The following SLC6A13 variants were observed in gnomAD, a reference collection of about 807,000 sequenced individuals.
SLC6A13 encodes the protein solute carrier family 6 member 13, also known as sodium- and chloride-dependent GABA transporter 2.
Under a neutral mutation model 72.9 loss-of-function variants are expected in SLC6A13, and 69 were observed. The ratio of observed to expected loss-of-function variants is 0.95; its 90% confidence interval spans 0.78 to 1.16. The LOEUF (loss-of-function observed/expected upper bound fraction) is 1.16. Among genes scored for constraint, SLC6A13 ranks in the 50% most tolerant of loss-of-function variants. SLC6A13 has a pLI of 0.00. For missense variants in SLC6A13, 735 were observed against 760.5 expected (o/e 0.97, Z 0.39); for synonymous variants, 303 against 303.0 (o/e 1.00, Z 0.00).
At chr12:236,721 C>A (rs1003398506) in intron 6 of SLC6A13, among the ~76,000 whole-genome samples, 1 of 152,206 alleles carries the variant, frequency 6.6e-6, no homozygotes, top group Admixed American at 6.5e-5. Context: ...TTAGGAGAGG[C>A]CCCCAGGGCA....
In SLC6A13 at chr12:255,328, A is replaced by G. The variant is rs189472830; in HGVS notation, c.202+4523T>C. ...AGGATGACTCCAAGATTTTTGCCTT[A>G]TAACCAGTCAGCTTCTGCCTTCACT... On this transcript the variant is annotated intron_variant, in intron 2 of 14. Transcript: ENST00000343164. Among the ~76,000 whole-genome samples the G allele has an allele frequency of 2.8e-4, 43 of 152,218 alleles. No homozygotes were observed. The East Asian group carries it at 7.3e-3, about 26-fold the overall frequency.
chr12:245,290 A>G (rs1290038226), intron 2 of SLC6A13, among the ~76,000 whole-genome samples: 2 of 152,244 alleles, frequency 1.3e-5, no homozygotes, highest in East Asian at 3.8e-4. Context: ...CCCTAGACCG[A>G]GCACACTTCT....
chr12:242,549 A>G, intron 4 of SLC6A13, 65 bp downstream of exon 4: 2 of 1,484,896 alleles, frequency 1.3e-6, no homozygotes, highest in Non-Finnish European at 1.8e-6. Context: ...ATATAGTGAC[A>G]AGCCCAATTC....
intron 4 of SLC6A13, among the ~76,000 whole-genome samples, chr12:238,792 C>A (rs1014046960): frequency 2.6e-5 from 4 of 152,174 alleles, no homozygotes; most frequent in African/African-American, 9.7e-5. Context: ...CTGGGTTCCA[C>A]CTTCAAAATA....
In SLC6A13 at chr12:257,530, C is replaced by T. The variant is rs545059074; in HGVS notation, c.202+2321G>A. On this transcript the variant is annotated intron_variant, in intron 2 of 14. Coordinates refer to ENST00000343164, the MANE Select transcript of SLC6A13 (RefSeq NM_016615.5). ...GGACTCCCAAACATGTCAGGACTCT[C>T]CACCAGAATCAGAGTGCTGGAAGGC... Among the ~76,000 whole-genome samples, 3 of 152,284 alleles carry T rather than the reference C, an allele frequency of 2.0e-5. No individual in the cohort carries two copies. In the South Asian group the frequency reaches 6.2e-4, roughly 32 times the overall value.
intron 2 of SLC6A13, among the ~76,000 whole-genome samples, chr12:253,065 G>A (rs886457910): frequency 1.3e-5 from 2 of 152,194 alleles, no homozygotes; most frequent in Non-Finnish European, 2.9e-5. Context: ...TGGGGATGGG[G>A]GGTGGAGTTC....
intron 2 of SLC6A13, among the ~76,000 whole-genome samples, chr12:255,878 C>G (rs1386047605): frequency 6.6e-6 from 1 of 152,152 alleles, no homozygotes; most frequent in Non-Finnish European, 1.5e-5. Context: ...CAGCTCCAGG[C>G]TTGAGTCCTC....
chr12:223,340 G>T, intron 11 of SLC6A13, 106 bp from the exon 12 acceptor site: 1 of 626,354 alleles, frequency 1.6e-6, no homozygotes, highest in Non-Finnish European at 2.8e-6. Flanking sequence ...AGCAGAGTTG[G>T]TGAGGATCAC....
chr12:226,711 C>CA lies in SLC6A13; in HGVS notation c.936-198dup, dbSNP rs934908189. The stretch of plus-strand genomic sequence containing the variant: ...GCTCTCCTCCGACACTCCTCGGCCC[C>CA]ACCAGCCCAGGGACGGAATAAATCA... On this transcript the variant is annotated intron_variant, in intron 8 of 14. Transcript: ENST00000343164. The CA allele has an allele frequency of 1.1e-5, 6 of 556,236 alleles. No individual in the cohort carries two copies. The Admixed American group carries it at 1.3e-4, about 12-fold the overall frequency. 34.5% of individuals were successfully genotyped at this position (556,236 alleles called of 1,614,324 possible).
chr12:224,023 G>A lies in SLC6A13; in HGVS notation c.1280C>T (p.Ser427Phe), dbSNP rs777328679. 3 of 1,613,520 alleles carry A rather than the reference G, an allele frequency of 1.9e-6. No individual in the cohort carries two copies. The South Asian group carries it at 3.3e-5, about 18-fold the overall frequency. ...EVLILGVSVV[S>F]FLVGLIMLTE... The stretch of plus-strand genomic sequence containing the variant: ...GAGCATGATCAGCCCCACAAGGAAG[G>A]AGACGACAGATACTCCAAGGATGAG... The change falls in exon 11 of 15, where the codon TCC becomes TTC. Residue 427 changes from serine to phenylalanine, a missense_variant. Coordinates refer to ENST00000343164, the MANE Select transcript of SLC6A13 (RefSeq NM_016615.5).
At chr12:250,183 A>T (rs1191428543) in intron 2 of SLC6A13, among the ~76,000 whole-genome samples, 1 of 152,176 alleles carries the variant, frequency 6.6e-6, no homozygotes, top group Non-Finnish European at 1.5e-5. Context: ...CCTACAGCTA[A>T]CATCATACTT....
Position 227,668 on chromosome 12 carries a change from C to A in SLC6A13, c.832G>T (p.Val278Leu). The A allele has an allele frequency of 1.9e-6, 3 of 1,599,572 alleles. No individual in the cohort carries two copies. Among genetic ancestry groups the A allele is most frequent in the Non-Finnish European group, 2.6e-6 (3 of 1,171,408 alleles). The change falls in exon 8 of 15, where the codon GTG (valine) becomes TTG (leucine). Residue 278 changes from valine (V) to leucine (L), a missense_variant and splice_region_variant. Coordinates refer to ENST00000343164, the MANE Select transcript of SLC6A13 (RefSeq NM_016615.5). The stretch of plus-strand genomic sequence containing the variant: ...ATCTGGGTGCCTGCATCCATCCACA[C>A]CTACAAAGGGGAAGGGCAAGAAAGG... The part of the protein sequence containing the change: ...PNLTRLWDPQ[V>L]WMDAGTQIFF...
rs758620353 is a variant in SLC6A13, at chr12:242,757, G to T, written c.338-3C>A. 1 of 1,576,680 alleles carries T rather than the reference G, an allele frequency of 6.3e-7. No homozygotes were observed. The highest frequency in any genetic ancestry group is 8.6e-7 in the Non-Finnish European group (1 of 1,160,422). Reference sequence around the variant, plus strand: ...CATCTGGGAGGCATAGCCAATGCCTGCGGGGAAACTGCAGAATTGGGCTAG... The same window carrying T: ...CATCTGGGAGGCATAGCCAATGCCTTCGGGGAAACTGCAGAATTGGGCTAG... On this transcript the variant is annotated splice_region_variant and splice_polypyrimidine_tract_variant and intron_variant, in intron 3 of 14. Coordinates refer to ENST00000343164, the MANE Select transcript of SLC6A13 (RefSeq NM_016615.5).
chr12:243,552 A>G (rs1419832464), intron 3 of SLC6A13, 127 bp downstream of exon 3: 9 of 927,438 alleles, frequency 9.7e-6, no homozygotes, highest in South Asian at 1.8e-5. Context: ...CCACAAACCA[A>G]GGGTTTAGCA....
intron 2 of SLC6A13, among the ~76,000 whole-genome samples, chr12:247,597 A>T (rs1368531134): frequency 6.6e-6 from 1 of 152,242 alleles, no homozygotes; most frequent in Non-Finnish European, 1.5e-5. Context: ...AATGTGGAAG[A>T]AACTCCTTCA....
At chr12:236,461 G>A (rs566107296) in intron 6 of SLC6A13, among the ~76,000 whole-genome samples, 160 of 152,276 alleles carry the variant, frequency 1.1e-3, no homozygotes, top group African/African-American at 2.7e-3. Context: ...CGGGTTCCCC[G>A]GATATAGTTC....
chr12:260,207 G>A (rs1324433300), intron 1 of SLC6A13, 150 bp from the exon 2 acceptor site: 10 of 782,428 alleles, frequency 1.3e-5, no homozygotes, highest in Non-Finnish European at 2.0e-5. Context: ...CTCCTTAGCA[G>A]TTCTCATTGG....
In SLC6A13 at chr12:242,686, C is replaced by T. The variant is rs776999899; in HGVS notation, c.406G>A (p.Ala136Thr). ...AAGCTGCTGAAGAGGTAGAACAGGG[C>T]CCAGGCCAACACAATGATGTAGTAG... ...NVYYIIVLAW[A>T]LFYLFSSFTI... Residue 136 changes from alanine to threonine, a missense_variant, in exon 4 of 15, where the codon GCC becomes ACC. Transcript: ENST00000343164. The T allele has an allele frequency of 6.2e-7, 1 of 1,611,692 alleles. No individual in the cohort carries two copies. Among genetic ancestry groups the T allele is most frequent in the African/African-American group, 1.3e-5 (1 of 74,926 alleles).
chr12:232,099 C>G (rs890950524), intron 7 of SLC6A13, among the ~76,000 whole-genome samples: 3 of 152,184 alleles, frequency 2.0e-5, no homozygotes, highest in African/African-American at 7.2e-5. Flanking sequence ...TGCATGTAAG[C>G]CTCTTAACAA....
Sources: gnomAD v4.1 joint callset for allele counts (sites outside exome capture counted in the v4.1 genomes callset) on GRCh38, gnomAD v4.1.1 for gene constraint, MANE v1.5 for transcripts, NCBI Gene and HGNC (gene_info 2026-07-23, HGNC 2026-07-21) for gene names.